ASIC2: variants seen among roughly 807,000 people sequenced by gnomAD.
ASIC2 encodes acid-sensing ion channel 2.
A neutral mutation model predicts 57.3 loss-of-function variants in ASIC2; 25 were observed. That is an observed-to-expected ratio of 0.44 (90% CI 0.32 to 0.61). ASIC2 has a LOEUF of 0.61. Among genes scored for constraint, ASIC2 ranks in the 20% least tolerant of loss-of-function variants. The pLI is 0.06. For missense variants in ASIC2, 641 were observed against 738.1 expected (o/e 0.87, Z 1.52); for synonymous variants, 319 against 307.5 (o/e 1.04, Z -0.39).
intron 6 of ASIC2, 23 bp downstream of exon 6, chr17:33,023,838 C>A: frequency 6.2e-7 from 1 of 1,613,372 alleles, no homozygotes; most frequent in Non-Finnish European, 8.5e-7. Flanking sequence ...CTTCCCCCTG[C>A]CTACCATGCC....
chr17:33,195,613 T>A (rs1262614949), intron 1 of ASIC2, among the ~76,000 whole-genome samples: 1 of 152,252 alleles, frequency 6.6e-6, no homozygotes, highest in East Asian at 1.9e-4. Flanking sequence ...GAAGTTAGCA[T>A]GTTATCAGAG....
chr17:33,465,947 T>A (rs1479707705), intron 1 of ASIC2, among the ~76,000 whole-genome samples: 1 of 152,160 alleles, frequency 6.6e-6, no homozygotes, highest in Non-Finnish European at 1.5e-5. Flanking sequence ...GAAAGTTTCC[T>A]CAGGATAAAG....
At chr17:34,095,018 T>C (rs559231477) in intron 1 of ASIC2, among the ~76,000 whole-genome samples, 34 of 152,334 alleles carry the variant, frequency 2.2e-4, no homozygotes, top group Admixed American at 1.6e-3. Flanking sequence ...GTGCAGCCCA[T>C]GGGATATGGC....
intron 1 of ASIC2, among the ~76,000 whole-genome samples, chr17:33,902,971 G>A (rs1915263722): frequency 6.6e-6 from 1 of 152,022 alleles, no homozygotes; most frequent in African/African-American, 2.4e-5. Context: ...CTTAGTCCAG[G>A]AATCTTTTCT....
At chr17:33,490,833 T>A (rs1913732668) in intron 1 of ASIC2, among the ~76,000 whole-genome samples, 1 of 152,216 alleles carries the variant, frequency 6.6e-6, no homozygotes, top group Admixed American at 6.5e-5. Context: ...CATGGAGTCT[T>A]AGGTCAAATC....
intron 1 of ASIC2, among the ~76,000 whole-genome samples, chr17:34,015,784 G>T (rs1024395700): frequency 6.6e-6 from 1 of 152,190 alleles, no homozygotes; most frequent in East Asian, 1.9e-4. Flanking sequence ...ATAGTAAGAC[G>T]TTTAGGTTAA....
intron 1 of ASIC2, among the ~76,000 whole-genome samples, chr17:33,383,334 A>G (rs1344618801): frequency 6.6e-6 from 1 of 152,132 alleles, no homozygotes; most frequent in African/African-American, 2.4e-5. Context: ...TGGAGGGAAA[A>G]CCATGCCTTG....
At chr17:34,030,534 G>A (rs1386539831) in intron 1 of ASIC2, among the ~76,000 whole-genome samples, 1 of 152,236 alleles carries the variant, frequency 6.6e-6, no homozygotes, top group East Asian at 1.9e-4. Context: ...AGTGCACCGT[G>A]CGCGAGCTGA....
intron 1 of ASIC2, among the ~76,000 whole-genome samples, chr17:34,099,685 GAA>G (rs61548216): frequency 1.5e-5 from 2 of 136,458 alleles, no homozygotes; most frequent in African/African-American, 5.7e-5. Flanking sequence ...AGAAAGAAAA[GAA>G]AGAGAAGAAA....
chr17:33,644,381 A>G lies in ASIC2; in HGVS notation c.555+511597T>C, dbSNP rs575721177. On this transcript the variant is annotated intron_variant, in intron 1 of 9. Coordinates refer to the ASIC2 transcript ENST00000359872. ...CCTTTTCAATTTCAGTTTCTCTTTT[A>G]TCAGTGTTCTCTGTCAATCCTTATA... Among the ~76,000 whole-genome samples the G allele has an allele frequency of 3.3e-5, 5 of 152,148 alleles. No homozygotes were observed. The South Asian group carries it at 1.0e-3, about 32-fold the overall frequency.
At chr17:33,540,346 A>T (rs1414671850) in intron 1 of ASIC2, among the ~76,000 whole-genome samples, 1 of 152,142 alleles carries the variant, frequency 6.6e-6, no homozygotes, top group Non-Finnish European at 1.5e-5. Context: ...ATCAGCTAAG[A>T]TCCTATTTCC....
chr17:33,468,724 G>C (rs1254920146), intron 1 of ASIC2, among the ~76,000 whole-genome samples: 1 of 150,534 alleles, frequency 6.6e-6, no homozygotes, highest in Non-Finnish European at 1.5e-5. Context: ...AACAGGTGAA[G>C]AAAAACTGAG....
intron 1 of ASIC2, among the ~76,000 whole-genome samples, chr17:33,668,995 C>T (rs1417243354): frequency 1.3e-5 from 2 of 152,210 alleles, no homozygotes; most frequent in Non-Finnish European, 2.9e-5. Context: ...GGTCCTGCAA[C>T]AGACGCCGCC....
intron 1 of ASIC2, among the ~76,000 whole-genome samples, chr17:33,749,698 C>A (rs773708170): frequency 6.6e-6 from 1 of 152,100 alleles, no homozygotes; most frequent in Non-Finnish European, 1.5e-5. Context: ...TTACAGCTTG[C>A]CCCGGCCTGA....
In ASIC2 at chr17:33,469,184, C is replaced by G. The variant is rs72821196; in HGVS notation, c.556-357117G>C. Among the ~76,000 whole-genome samples, 555 of 152,260 alleles carry G rather than the reference C, an allele frequency of 3.6e-3. 6 individuals carry two copies. Among genetic ancestry groups the G allele is most frequent in the African/African-American group, 0.012 (519 of 41,560 alleles). On this transcript the variant is annotated intron_variant, in intron 1 of 9. Coordinates refer to the ASIC2 transcript ENST00000359872. ...CAGGTACTATGGAGTGCCTTAGAAC[C>G]AGGCCACAGCTAGAGACAGGGCTGC...
At chr17:34,038,424 TCTC>T in intron 1 of ASIC2, 4 of 1,612,170 alleles carry the variant, frequency 2.5e-6, no homozygotes, top group African/African-American at 1.3e-5. Context: ...TTGTGGTAAT[TCTC>T]CTTTTTCTCA....
intron 1 of ASIC2, among the ~76,000 whole-genome samples, chr17:33,603,601 G>T (rs1905159392): frequency 6.6e-6 from 1 of 152,206 alleles, no homozygotes; most frequent in Non-Finnish European, 1.5e-5. Flanking sequence ...TTTAAACCCA[G>T]ATGTGGGCTC....
At chr17:34,135,892 AT>A in intron 1 of ASIC2, among the ~76,000 whole-genome samples, 1 of 152,278 alleles carries the variant, frequency 6.6e-6, no homozygotes, top group Non-Finnish European at 1.5e-5. Context: ...TCTAAAAAAA[AT>A]AATAATGTGG....
intron 1 of ASIC2, among the ~76,000 whole-genome samples, chr17:33,636,277 A>C (rs1164395314): frequency 2.6e-5 from 4 of 152,220 alleles, no homozygotes; most frequent in Non-Finnish European, 5.9e-5. Flanking sequence ...GAATGTTATA[A>C]TATTTATAAG....
Sources: gnomAD v4.1 joint callset for allele counts (sites outside exome capture counted in the v4.1 genomes callset) on GRCh38, gnomAD v4.1.1 for gene constraint, MANE v1.5 for transcripts, NCBI Gene and HGNC (gene_info 2026-07-23, HGNC 2026-07-21) for gene names.